SLC4A10: variants seen among roughly 807,000 people sequenced by gnomAD.
SLC4A10 encodes the protein solute carrier family 4 member 10.
SLC4A10 carries 42 observed loss-of-function variants against 137.7 expected under a neutral mutation model. The ratio of observed to expected loss-of-function variants is 0.30; its 90% CI spans 0.24 to 0.39. The LOEUF (loss-of-function observed/expected upper bound fraction) is 0.39. Among genes scored for constraint, SLC4A10 ranks in the 10% least tolerant of loss-of-function variants. The pLI is 1.00. For missense variants in SLC4A10, 925 were observed against 1,355.0 expected (o/e 0.68, Z 4.98); for synonymous variants, 474 against 464.1 (o/e 1.02, Z -0.27).
At chr2:161,696,782 T>C (rs1047600753) in intron 1 of SLC4A10, among the ~76,000 whole-genome samples, 9 of 152,266 alleles carry the variant, frequency 5.9e-5, no homozygotes, top group African/African-American at 2.2e-4. Context: ...GCATGTGTCT[T>C]TATAGCAGCA....
intron 10 of SLC4A10, among the ~76,000 whole-genome samples, chr2:161,894,115 T>C (rs982805154): frequency 1.1e-4 from 16 of 152,034 alleles, no homozygotes; most frequent in Non-Finnish European, 2.9e-5. Flanking sequence ...CACTCCATTT[T>C]ATGTAAGGAA....
intron 3 of SLC4A10, among the ~76,000 whole-genome samples, chr2:161,827,678 G>A (rs2058107065): frequency 6.6e-6 from 1 of 151,652 alleles, no homozygotes; most frequent in African/African-American, 2.4e-5. Flanking sequence ...CCATTCTCCT[G>A]CCTCAGCCTT....
intron 26 of SLC4A10, among the ~76,000 whole-genome samples, chr2:161,978,407 G>GAA (rs796514805): frequency 1.6e-5 from 2 of 123,290 alleles, no homozygotes; most frequent in African/African-American, 6.0e-5. Flanking sequence ...AAAAAGAAAA[G>GAA]AAAAAGAAAA....
intron 1 of SLC4A10, among the ~76,000 whole-genome samples, chr2:161,690,283 C>T (rs2041848740): frequency 6.6e-6 from 1 of 152,064 alleles, no homozygotes; most frequent in African/African-American, 2.4e-5. Flanking sequence ...ATTATTAAAA[C>T]GTCAAGAAAC....
chr2:161,785,603 C>T (rs1307080909), intron 2 of SLC4A10, among the ~76,000 whole-genome samples: 1 of 151,698 alleles, frequency 6.6e-6, no homozygotes, highest in African/African-American at 2.4e-5. Flanking sequence ...GCCACATTCA[C>T]AGAGTAAAGA....
chr2:161,790,918 TATC>T (rs2054130765), intron 2 of SLC4A10, among the ~76,000 whole-genome samples: 1 of 152,120 alleles, frequency 6.6e-6, no homozygotes, highest in African/African-American at 2.4e-5. Flanking sequence ...CTCAATAAGA[TATC>T]ATCTCACATC....
At chr2:161,679,523 G>A (rs2040615489) in intron 1 of SLC4A10, among the ~76,000 whole-genome samples, 1 of 152,066 alleles carries the variant, frequency 6.6e-6, no homozygotes, top group African/African-American at 2.4e-5. Context: ...TAGACTGTAA[G>A]TAGTGTAGGA....
Position 161,959,784 on chromosome 2 carries a change from TGAAGA to T in SLC4A10, c.2862+1236_2862+1240del, listed in dbSNP as rs141004932. Among the ~76,000 whole-genome samples the T allele has an allele frequency of 3.3e-3, 509 of 152,308 alleles. 4 individuals are homozygous for T. The highest frequency in any genetic ancestry group is 0.012 in the African/African-American group (482 of 41,582). On this transcript the variant is annotated intron_variant, in intron 21 of 26. Transcript: ENST00000446997. The stretch of plus-strand genomic sequence containing the variant: ...TGAAGGGAAAAGGGAGACTATCTCT[TGAAGA>T]GAAGAGTATCAAAGAATTTGTAGAC...
chr2:161,894,908 T>A, intron 11 of SLC4A10, 83 bp downstream of exon 11: 2 of 764,982 alleles, frequency 2.6e-6, no homozygotes, highest in Non-Finnish European at 3.4e-6. Flanking sequence ...TATTTATTTA[T>A]TTATTTATTT....
chr2:161,825,819 C>T (rs1054019482), intron 3 of SLC4A10, among the ~76,000 whole-genome samples: 1 of 152,162 alleles, frequency 6.6e-6, no homozygotes, highest in Non-Finnish European at 1.5e-5. Context: ...ACAGCTCTTT[C>T]CGAAGAACTC....
chr2:161,689,925 G>C (rs2041815482), intron 1 of SLC4A10, among the ~76,000 whole-genome samples: 1 of 152,068 alleles, frequency 6.6e-6, no homozygotes, highest in African/African-American at 2.4e-5. Context: ...AACACACCAG[G>C]CTCCCAGACT....
chr2:161,883,625 T>C (rs577373921), intron 10 of SLC4A10, among the ~76,000 whole-genome samples: 34 of 152,272 alleles, frequency 2.2e-4, no homozygotes, highest in Admixed American at 5.2e-4. Flanking sequence ...GCTAGAAGTT[T>C]GAAGTCAAGG....
At chr2:161,746,492 C>T (rs1020992650) in intron 1 of SLC4A10, among the ~76,000 whole-genome samples, 10 of 151,924 alleles carry the variant, frequency 6.6e-5, no homozygotes, top group Non-Finnish European at 1.0e-4. Flanking sequence ...GGCGCAGGTT[C>T]CTTCTGTCTG....
intron 3 of SLC4A10, among the ~76,000 whole-genome samples, chr2:161,805,268 C>A (rs13391188): frequency 0.014 from 2,080 of 152,242 alleles, 44 homozygotes; most frequent in African/African-American, 0.047. Flanking sequence ...TGGGTCCCTC[C>A]CACAACACAT....
intron 2 of SLC4A10, among the ~76,000 whole-genome samples, chr2:161,799,363 C>G (rs2055136736): frequency 6.6e-6 from 1 of 151,674 alleles, no homozygotes; most frequent in Non-Finnish European, 1.5e-5. Context: ...TGATAGCTAT[C>G]CGGGTGAAAA....
Position 161,651,711 on chromosome 2 carries a change from G to A in SLC4A10, c.48+27145G>A, listed in dbSNP as rs6711451. ...CTTGCACGGAGCTAGCACTTGTGCC[G>A]GCGCCTGGAGCTGCCTGCCCCACCA... On this transcript the variant is annotated intron_variant, in intron 1 of 26. Transcript: ENST00000446997. 7.2e-3 allele frequency among the ~76,000 whole-genome samples: 1,092 copies of A among 152,316 alleles called. 21 individuals are homozygous for A. The highest frequency in any genetic ancestry group is 0.025 in the African/African-American group (1,043 of 41,572).
In SLC4A10 at chr2:161,660,224, T is replaced by A. The variant is rs139235915; in HGVS notation, c.48+35658T>A. 1.1e-4 allele frequency among the ~76,000 whole-genome samples: 16 copies of A among 152,330 alleles called. No homozygotes were observed. The East Asian group carries it at 3.1e-3, about 29-fold the overall frequency. On this transcript the variant is annotated intron_variant, in intron 1 of 26. Transcript: ENST00000446997. ...AAAGAATTGCATGACATTCTAGCAT[T>A]TTCTTTGAGTCCACAGTAAAGGTTT...
rs374587512 is a variant in SLC4A10, at chr2:161,723,965, T to C, written c.49-47008T>C. 1.3e-5 allele frequency among the ~76,000 whole-genome samples: 2 copies of C among 152,340 alleles called. 1 individual carries two copies. Among genetic ancestry groups the C allele is most frequent in the South Asian group, 4.1e-4 (2 of 4,832 alleles). ...TTATAAATATCTCAAACTTGATATG[T>C]ATCAAACTAAATACACTATATTCTC... On this transcript the variant is annotated intron_variant, in intron 1 of 26. Transcript: ENST00000446997.
At chr2:161,629,717 C>T (rs1383845416) in intron 1 of SLC4A10, among the ~76,000 whole-genome samples, 1 of 151,882 alleles carries the variant, frequency 6.6e-6, no homozygotes, top group Non-Finnish European at 1.5e-5. Flanking sequence ...CCTCCCTTTC[C>T]ACTAACCCCT....
Sources: gnomAD v4.1 joint callset for allele counts (sites outside exome capture counted in the v4.1 genomes callset) on GRCh38, gnomAD v4.1.1 for gene constraint, MANE v1.5 for transcripts, NCBI Gene and HGNC (gene_info 2026-07-23, HGNC 2026-07-21) for gene names.